Variants in MEOX1 observed in about 807,000 individuals in gnomAD.
MEOX1 encodes mesenchyme homeobox 1.
In MEOX1, 17 loss-of-function variants were observed where a neutral mutation model predicts 23.2. The observed-to-expected ratio is 0.73, with a 90% CI of 0.50 to 1.10. The LOEUF is 1.10. Ranked by LOEUF, MEOX1 falls within the 50% of genes least tolerant of loss-of-function variation. MEOX1 has a pLI of 0.00. For missense variants in MEOX1, 333 were observed against 332.2 expected, an observed-to-expected ratio of 1.00 and a Z score of -0.02; for synonymous variants, 134 against 135.1, an observed-to-expected ratio of 0.99 and a Z score of 0.06.
At chr17:43,646,453 G>A (rs746369060) in intron 1 of MEOX1, among the ~76,000 whole-genome samples, 2 of 152,200 alleles carry the variant, frequency 1.3e-5, no homozygotes, top group Non-Finnish European at 1.5e-5. Flanking sequence ...ATCTTCTCCC[G>A]TCCCGAGGCT....
chr17:43,653,264 T>C (rs1213160006), intron 1 of MEOX1, among the ~76,000 whole-genome samples: 1 of 151,582 alleles, frequency 6.6e-6, no homozygotes, highest in Non-Finnish European at 1.5e-5. Context: ...CTCAGCCTCC[T>C]GATTAGCTGG....
chr17:43,643,285 C>T (rs1972733246), intron 2 of MEOX1, among the ~76,000 whole-genome samples: 1 of 152,124 alleles, frequency 6.6e-6, no homozygotes, highest in Non-Finnish European at 1.5e-5. Context: ...CCAGCCTGGG[C>T]GACAGAACGA....
chr17:43,641,745 A>T lies in MEOX1; in HGVS notation c.*165T>A, dbSNP rs2154588750. On this transcript the variant is annotated 3_prime_UTR_variant, in exon 3 of 3. Coordinates refer to ENST00000318579, the MANE Select transcript of MEOX1 (RefSeq NM_004527.4). ...AGAGGCTGGACAGAACTTCCTAGAA[A>T]ATCCTAAGACTCCCAGGAATGCTGG... 1 of 692,316 alleles carries T rather than the reference A, an allele frequency of 1.4e-6. No individual in the cohort carries two copies. Among genetic ancestry groups the T allele is most frequent in the African/African-American group, 1.8e-5 (1 of 55,780 alleles). The allele number at this position is 692,316 out of a possible 1,614,324, so 42.9% of individuals were successfully genotyped here.
At chr17:43,656,252 T>A (rs1973015733) in intron 1 of MEOX1, among the ~76,000 whole-genome samples, 1 of 152,072 alleles carries the variant, frequency 6.6e-6, no homozygotes, top group African/African-American at 2.4e-5. Flanking sequence ...GGTTTTTAAG[T>A]AGGACTTCAA....
intron 1 of MEOX1, among the ~76,000 whole-genome samples, chr17:43,658,992 G>A (rs887145912): frequency 2.6e-5 from 4 of 152,192 alleles, no homozygotes; most frequent in Admixed American, 6.5e-5. Context: ...CATGCAGGCC[G>A]TTCAGCCGAG....
intron 1 of MEOX1, among the ~76,000 whole-genome samples, chr17:43,648,731 G>C (rs1251238430): frequency 6.6e-6 from 1 of 152,112 alleles, no homozygotes; most frequent in Non-Finnish European, 1.5e-5. Context: ...GAAGTCTGAG[G>C]CTCTTCCAAC....
In MEOX1 at chr17:43,642,089, A is replaced by G. The variant is rs1329947229; in HGVS notation, c.643-57T>C. ...CCAGGGCCGGTGTGACCTCCTCCCC[A>G]TGTCAATGCTTAGGCTAGCCAGGGT... On this transcript the variant is annotated intron_variant, in intron 2 of 2. Transcript: ENST00000318579. 4.6e-5 allele frequency: 72 copies of G among 1,562,702 alleles called. 1 individual carries two copies. The highest frequency in any genetic ancestry group is 5.8e-5 in the Non-Finnish European group (67 of 1,154,326).
Position 43,641,790 on chromosome 17 carries a change from T to G in MEOX1, c.*120A>C. 1 of 1,061,310 alleles carries G rather than the reference T, an allele frequency of 9.4e-7. No homozygotes were observed. The highest frequency in any genetic ancestry group is 1.6e-5 in the South Asian group (1 of 63,548). 65.7% of individuals were successfully genotyped at this position (1,061,310 alleles called of 1,614,324 possible). ...TGCTGGGCAGTTTCATATCCAAGAG[T>G]CAGGGAAAGATGTGGAGAGGCTGCC... is the stretch of plus-strand genomic sequence containing the variant. On this transcript the variant is annotated 3_prime_UTR_variant, in exon 3 of 3. Transcript: ENST00000318579.
Position 43,643,566 on chromosome 17 carries a change from T to C in MEOX1, c.564A>G (p.Ala188=). 1 of 1,612,542 alleles carries C rather than the reference T, an allele frequency of 6.2e-7. No homozygotes were observed. The highest frequency in any genetic ancestry group is 8.5e-7 in the Non-Finnish European group (1 of 1,179,482). Reference sequence around the variant, plus strand: ...TCAGGTAGTTATGATGGGCAAACTCTGCCTCCAGCTCTCGCAGCTGCTCCT... The same window carrying C: ...TCAGGTAGTTATGATGGGCAAACTCCGCCTCCAGCTCTCGCAGCTGCTCCT... The part of the protein sequence containing the change: ...FTKEQLRELE[A]EFAHHNYLTR... Residue 188 remains alanine, a synonymous_variant, in exon 2 of 3, where the codon GCA becomes GCG. Coordinates refer to ENST00000318579, the MANE Select transcript of MEOX1 (RefSeq NM_004527.4).
At chr17:43,648,142 G>C (rs192091455) in intron 1 of MEOX1, among the ~76,000 whole-genome samples, 217 of 152,282 alleles carry the variant, frequency 1.4e-3, no homozygotes, top group African/African-American at 5.1e-3. Flanking sequence ...CCTGCTCATG[G>C]GCACAGTTCC....
At position 43,661,669 on chromosome 17, in the gene MEOX1, AC is replaced by A; in HGVS notation, c.-136del. The A allele has an allele frequency of 7.8e-6, 4 of 511,668 alleles. No individual in the cohort carries two copies. The highest frequency in any genetic ancestry group is 3.3e-5 in the East Asian group (1 of 29,968). The allele number at this position is 511,668 out of a possible 1,614,324, so 31.7% of individuals were successfully genotyped here. A position where few individuals can be genotyped will look rare whatever the true frequency, so the allele number is the denominator to read the frequency against. On this transcript the variant is annotated 5_prime_UTR_variant, in exon 1 of 3. Transcript: ENST00000318579. ...GTTCAACAGAAAATTTACCCCAGGA[AC>A]CAAAAAAAAAAAAAAACCCAAAACT... is the stretch of plus-strand genomic sequence containing the variant.
In MEOX1 at chr17:43,643,481, G is replaced by A. The variant is rs368246577; in HGVS notation, c.642+7C>T. 3 of 1,568,580 alleles carry A rather than the reference G, an allele frequency of 1.9e-6. No individual in the cohort carries two copies. The highest frequency in any genetic ancestry group is 1.4e-5 in the African/African-American group (1 of 73,976). The stretch of plus-strand genomic sequence containing the variant: ...CAAAGAAGAGGAGGGGCCCACCGGG[G>A]GCGCACCTGGCGCTCAGAGAGGTCC... On this transcript the variant is annotated splice_region_variant and intron_variant, in intron 2 of 2. Coordinates refer to ENST00000318579, the MANE Select transcript of MEOX1 (RefSeq NM_004527.4).
chr17:43,645,642 G>T (rs923141748), intron 1 of MEOX1, among the ~76,000 whole-genome samples: 7 of 152,174 alleles, frequency 4.6e-5, no homozygotes, highest in Non-Finnish European at 8.8e-5. Context: ...TAAGCTACCT[G>T]GGGGACTGGG....
chr17:43,649,290 CTTTTTTTTT>C (rs10694288), intron 1 of MEOX1, among the ~76,000 whole-genome samples: 1 of 86,206 alleles, frequency 1.2e-5, no homozygotes, highest in Non-Finnish European at 2.1e-5. Flanking sequence ...GGCCTTTCAG[CTTTTTTTTT>C]TTTTTTTTTT....
chr17:43,654,442 A>G (rs1246371911), intron 1 of MEOX1, among the ~76,000 whole-genome samples: 1 of 152,136 alleles, frequency 6.6e-6, no homozygotes, highest in Non-Finnish European at 1.5e-5. Flanking sequence ...TGGGAGGCAG[A>G]GATTGCAGTG....
rs373680176 is a variant in MEOX1, at chr17:43,661,345, C to T, written c.190G>A (p.Ala64Thr). Reference sequence around the variant, plus strand: ...TGTGGGGTGGCTGCCAGGCAGGAGGCTGAGAAGTCAGGGTACGCTGCCGTC... The same window carrying T: ...TGTGGGGTGGCTGCCAGGCAGGAGGTTGAGAAGTCAGGGTACGCTGCCGTC... The part of the protein sequence containing the change: ...TATAAYPDFS[A>T]SCLAATPHSL... Residue 64 changes from alanine (A) to threonine (T), a missense_variant, in exon 1 of 3, where the codon GCC becomes ACC. By Grantham distance (58) the Ala-to-Thr change is moderately conservative (BLOSUM62 0). Transcript: ENST00000318579. 3.5e-5 allele frequency: 57 copies of T among 1,613,220 alleles called. No individual in the cohort carries two copies. In the East Asian group the frequency reaches 7.8e-4, roughly 22 times the overall value.
chr17:43,648,241 G>A (rs541020361), intron 1 of MEOX1, among the ~76,000 whole-genome samples: 57 of 152,194 alleles, frequency 3.7e-4, no homozygotes, highest in African/African-American at 1.3e-3. Flanking sequence ...AGGCCGAGGC[G>A]GGCGGATCAT....
intron 1 of MEOX1, among the ~76,000 whole-genome samples, chr17:43,646,935 C>T (rs553158965): frequency 2.4e-4 from 36 of 152,266 alleles, no homozygotes; most frequent in African/African-American, 8.4e-4. Context: ...TGCGGTGAGC[C>T]GAGATTGCGC....
intron 1 of MEOX1, among the ~76,000 whole-genome samples, chr17:43,652,437 C>T (rs914139635): frequency 3.3e-4 from 50 of 152,258 alleles, no homozygotes; most frequent in African/African-American, 1.1e-3. Flanking sequence ...GAGAGGGGTG[C>T]TCATATGTGG....
Sources: gnomAD v4.1 joint callset for allele counts (sites outside exome capture counted in the v4.1 genomes callset) on GRCh38, gnomAD v4.1.1 for gene constraint, MANE v1.5 for transcripts, NCBI Gene and HGNC (gene_info 2026-07-23, HGNC 2026-07-21) for gene names.